Variants in CSGALNACT1 observed in about 807,000 individuals in gnomAD.
CSGALNACT1 encodes the protein chondroitin sulfate N-acetylgalactosaminyltransferase 1.
A neutral mutation model predicts 51.0 loss-of-function variants in CSGALNACT1; 52 were observed. The observed-to-expected ratio is 1.02, with a 90% confidence interval of 0.82 to 1.29. The LOEUF is 1.29. Among genes scored for constraint, CSGALNACT1 ranks in the 50% most tolerant of loss-of-function variants. CSGALNACT1 has a pLI of 0.00. For missense variants in CSGALNACT1, 935 were observed against 679.2 expected (o/e 1.38, Z -4.19); for synonymous variants, 341 against 254.4 (o/e 1.34, Z -3.24).
chr8:19,426,517 G>A (rs1231164224), intron 6 of CSGALNACT1, among the ~76,000 whole-genome samples: 1 of 152,186 alleles, frequency 6.6e-6, no homozygotes, highest in African/African-American at 2.4e-5. Context: ...TAGGATGGGG[G>A]CACTACATTT....
At chr8:19,703,635 C>T (rs1212816794) in intron 1 of CSGALNACT1, among the ~76,000 whole-genome samples, 3 of 152,140 alleles carry the variant, frequency 2.0e-5, no homozygotes, top group Non-Finnish European at 4.4e-5. Flanking sequence ...CTCCTCAGAC[C>T]TTCAGGTAAC....
chr8:19,505,939 C>G (rs773858789), exon 4 of CSGALNACT1: 2 of 1,362,392 alleles, frequency 1.5e-6, no homozygotes, highest in South Asian at 2.4e-5. Context: ...GTTTGGGGCC[C>G]CCGGAGCTGC....
Position 19,730,489 on chromosome 8 carries a change from C to A in CSGALNACT1, c.-297+27361G>T, listed in dbSNP as rs190793390. Among the ~76,000 whole-genome samples, 832 of 152,294 alleles carry A rather than the reference C, an allele frequency of 5.5e-3. 15 individuals carry two copies. The highest frequency in any genetic ancestry group is 8.1e-3 in the Non-Finnish European group (549 of 68,030). ...GGTTGGAATTATGATGTTTAAGTGG[C>A]CTGCTATTCTGAATGGACTTTTTCC... is the stretch of plus-strand genomic sequence containing the variant. On this transcript the variant is annotated intron_variant, in intron 1 of 1. Transcript: ENST00000517494.
At chr8:19,748,235 G>C (rs2064804232) in intron 1 of CSGALNACT1, among the ~76,000 whole-genome samples, 1 of 152,042 alleles carries the variant, frequency 6.6e-6, no homozygotes, top group African/African-American at 2.4e-5. Context: ...AGTAGCCAGG[G>C]GACATTAGGA....
intron 4 of CSGALNACT1, among the ~76,000 whole-genome samples, chr8:19,461,992 G>A (rs979693752): frequency 1.3e-4 from 18 of 136,978 alleles, no homozygotes; most frequent in African/African-American, 4.3e-4. Flanking sequence ...GCACAGCAAC[G>A]ACATTTGCCA....
At chr8:19,691,751 G>C (rs1005021517) in intron 1 of CSGALNACT1, among the ~76,000 whole-genome samples, 2 of 152,088 alleles carry the variant, frequency 1.3e-5, no homozygotes, top group African/African-American at 4.8e-5. Flanking sequence ...CTAACTATAC[G>C]GGTCTGGAAC....
chr8:19,573,030 CAGGGG>C (rs889054065), intron 3 of CSGALNACT1, among the ~76,000 whole-genome samples: 23 of 152,300 alleles, frequency 1.5e-4, no homozygotes, highest in African/African-American at 5.5e-4. Context: ...AACAAATACA[CAGGGG>C]ACAAAGGATG....
chr8:19,725,228 A>C (rs1452534816), intron 1 of CSGALNACT1, among the ~76,000 whole-genome samples: 1 of 152,174 alleles, frequency 6.6e-6, no homozygotes, highest in Non-Finnish European at 1.5e-5. Context: ...GCGCTTTGCT[A>C]GTGCAGCCCA....
At chr8:19,676,011 C>T (rs928556593) in intron 1 of CSGALNACT1, among the ~76,000 whole-genome samples, 3 of 149,180 alleles carry the variant, frequency 2.0e-5, no homozygotes, top group African/African-American at 7.4e-5. Flanking sequence ...ACACTGGAAA[C>T]ACCACCAATA....
intron 5 of CSGALNACT1, among the ~76,000 whole-genome samples, chr8:19,449,819 T>C (rs1057186878): frequency 1.3e-4 from 20 of 151,984 alleles, no homozygotes; most frequent in African/African-American, 4.8e-4. Context: ...AAGATTTTTT[T>C]TAAAGCAAAG....
chr8:19,471,165 T>C (rs2068070863), intron 4 of CSGALNACT1, among the ~76,000 whole-genome samples: 1 of 151,850 alleles, frequency 6.6e-6, no homozygotes, highest in Admixed American at 6.6e-5. Context: ...AGTATGATCT[T>C]GGGGCACACT....
intron 1 of CSGALNACT1, among the ~76,000 whole-genome samples, chr8:19,689,823 C>T (rs751149520): frequency 1.6e-4 from 24 of 152,322 alleles, no homozygotes; most frequent in Non-Finnish European, 2.8e-4. Context: ...AAGAAGTCCC[C>T]TGTGCTTGAA....
At chr8:19,725,787 A>G (rs1300770416) in intron 1 of CSGALNACT1, among the ~76,000 whole-genome samples, 1 of 152,120 alleles carries the variant, frequency 6.6e-6, no homozygotes, top group Non-Finnish European at 1.5e-5. Flanking sequence ...TGAAAGGAAG[A>G]TACACAGATT....
rs182804832 is a variant in CSGALNACT1, at chr8:19,447,785, C to T, written c.852-7854G>A. Among the ~76,000 whole-genome samples the T allele has an allele frequency of 2.8e-3, 423 of 152,292 alleles. 2 individuals carry two copies. Among genetic ancestry groups the T allele is most frequent in the Non-Finnish European group, 3.4e-3 (233 of 68,022 alleles). On this transcript the variant is annotated intron_variant, in intron 5 of 9. Coordinates refer to ENST00000454498, the Ensembl canonical transcript of CSGALNACT1. ...TGTGGTTGTCAAAGTGATGCACACC[C>T]CTAGGGTGGGTCCTGTTCTCCAACC... is the stretch of plus-strand genomic sequence containing the variant.
At chr8:19,606,491 C>T (rs977715366), upstream of CSGALNACT1, among the ~76,000 whole-genome samples, 6 of 152,170 alleles carry the variant, frequency 3.9e-5, no homozygotes, top group African/African-American at 1.4e-4. Context: ...ATTCCTTCTA[C>T]ATTAAATAAT....
At chr8:19,699,028 T>C (rs1025166614) in intron 1 of CSGALNACT1, among the ~76,000 whole-genome samples, 2 of 152,196 alleles carry the variant, frequency 1.3e-5, no homozygotes, top group African/African-American at 4.8e-5. Flanking sequence ...TGCAGTGTAT[T>C]GCTTTTTTCT....
At chr8:19,472,089 T>G (rs1224117818) in intron 4 of CSGALNACT1, among the ~76,000 whole-genome samples, 1 of 152,226 alleles carries the variant, frequency 6.6e-6, no homozygotes, top group Non-Finnish European at 1.5e-5. Context: ...GATGCCTACT[T>G]GGACTCAATG....
In CSGALNACT1 at chr8:19,412,778, G is replaced by T. The variant is rs1328409578; in HGVS notation, c.1228-4084C>A. Among the ~76,000 whole-genome samples the T allele has an allele frequency of 2.7e-5, 4 of 148,112 alleles. 1 individual carries two copies. On this transcript the variant is annotated intron_variant, in intron 8 of 9. Transcript: ENST00000454498. ...AATTACATAGCAGTTTCTGGCCTGG[G>T]AGGAGAAGACTCCCTGAGCTATGAG... is the stretch of plus-strand genomic sequence containing the variant.
In CSGALNACT1 at chr8:19,646,478, A is replaced by C. The variant is rs771314551; in HGVS notation, c.-544+35995T>G. 3.9e-5 allele frequency among the ~76,000 whole-genome samples: 6 copies of C among 152,224 alleles called. 1 individual carries two copies. Among genetic ancestry groups the C allele is most frequent in the Admixed American group, 2.6e-4 (4 of 15,284 alleles). On this transcript the variant is annotated intron_variant, in intron 1 of 9. Transcript: ENST00000332246. Reference sequence around the variant, plus strand: ...ATGAAAACGGATCATAATTACATTAAGGGTAGTGGAACTAGGAGTAATAAT... The same window carrying C: ...ATGAAAACGGATCATAATTACATTACGGGTAGTGGAACTAGGAGTAATAAT...
Sources: allele counts gnomAD v4.1 joint callset (sites outside exome capture counted in the v4.1 genomes callset), GRCh38; gene constraint gnomAD v4.1.1; transcripts MANE v1.5; gene names NCBI Gene and HGNC (gene_info 2026-07-23, HGNC 2026-07-21).